The following FKBP9 variants were observed in gnomAD, a reference collection of about 807,000 sequenced individuals.
FKBP9 encodes the protein peptidyl-prolyl cis-trans isomerase FKBP9.
FKBP9 carries 27 observed loss-of-function variants against 55.6 expected under a neutral mutation model. The observed-to-expected ratio is 0.49, with a 90% CI of 0.36 to 0.67. The LOEUF (loss-of-function observed/expected upper bound fraction) is 0.67, where lower values mean the gene tolerates loss of function less well. Ranked by LOEUF, FKBP9 falls within the 30% of genes least tolerant of loss-of-function variation. The pLI, the probability that FKBP9 is intolerant of heterozygous loss-of-function variation, is 0.00. For synonymous variants in FKBP9, 267 were observed against 296.5 expected (o/e 0.90, Z 1.02); for missense variants, 539 against 742.8 (o/e 0.73, Z 3.19).
At chr7:32,970,063 A>T (rs1404109414) in intron 1 of FKBP9, among the ~76,000 whole-genome samples, 2 of 152,074 alleles carry the variant, frequency 1.3e-5, no homozygotes, top group African/African-American at 4.8e-5. Flanking sequence ...TCTGCAAAAA[A>T]TGCCATCAGG....
At chr7:32,988,359 T>A (rs1422828931) in intron 5 of FKBP9, 148 bp from the exon 6 acceptor site, 5 of 724,680 alleles carry the variant, frequency 6.9e-6, no homozygotes, top group Non-Finnish European at 1.1e-5. Context: ...GGAGCATGTT[T>A]CCTGGCTGTG....
At chr7:32,972,249 C>G (rs1392771021) in intron 1 of FKBP9, among the ~76,000 whole-genome samples, 3 of 152,164 alleles carry the variant, frequency 2.0e-5, no homozygotes, top group African/African-American at 7.2e-5. Flanking sequence ...GGGCACACAA[C>G]TGGCCATGTG....
intron 4 of FKBP9, chr7:32,979,345 G>C: frequency 1.6e-6 from 1 of 616,810 alleles, no homozygotes; most frequent in South Asian, 1.9e-5. Context: ...TAAATGAAAA[G>C]ATACAGTAAG....
In FKBP9 at chr7:32,985,166, C is replaced by CTT. The variant is rs1352258248; in HGVS notation, c.894-3339_894-3338dup. Among the ~76,000 whole-genome samples, 5 of 144,402 alleles carry CTT rather than the reference C, an allele frequency of 3.5e-5. 1 individual carries two copies. Among genetic ancestry groups the CTT allele is most frequent in the East Asian group, 5.0e-4 (2 of 4,040 alleles). 94.7% of individuals were successfully genotyped at this position (144,402 alleles called of 152,430 possible). ...GAACCAGTGTTACTAATTTCTTTTT[C>CTT]TTTCTTTCTTTCTTTTTTTTTTTTT... On this transcript the variant is annotated intron_variant, in intron 5 of 9. Coordinates refer to ENST00000242209, the MANE Select transcript of FKBP9 (RefSeq NM_007270.5).
intron 1 of FKBP9, among the ~76,000 whole-genome samples, chr7:32,965,856 T>A (rs1453556480): frequency 2.1e-5 from 1 of 47,938 alleles, no homozygotes; most frequent in South Asian, 9.1e-4. Context: ...TGTGTACAGA[T>A]ATATATATAT....
intron 1 of FKBP9, among the ~76,000 whole-genome samples, chr7:32,968,004 C>A (rs1014223638): frequency 6.6e-6 from 1 of 152,212 alleles, no homozygotes. Context: ...ATCCACCCAC[C>A]TCAGCCTCCC....
At chr7:32,974,861 G>A in intron 2 of FKBP9, 99 bp downstream of exon 2, 1 of 1,170,188 alleles carries the variant, frequency 8.5e-7, no homozygotes, top group Non-Finnish European at 1.2e-6. Context: ...GGAAGCTTTA[G>A]ATTGGGGGAA....
chr7:33,004,257 G>C (rs1353823096), intron 9 of FKBP9, among the ~76,000 whole-genome samples: 2 of 152,040 alleles, frequency 1.3e-5, no homozygotes, highest in African/African-American at 4.8e-5. Context: ...AGCTCCTCCT[G>C]CCCTCACAGT....
chr7:32,965,824 T>TATATATATATATGTGTAC, intron 1 of FKBP9, among the ~76,000 whole-genome samples: 1 of 18,220 alleles, frequency 5.5e-5, no homozygotes, highest in East Asian at 8.6e-4. Context: ...TATATATATA[T>TATATATATATATGTGTAC]ATATATATAT....
At position 32,996,778 on chromosome 7, in the gene FKBP9, CTTTTTTTTTTTT is replaced by C. The variant is rs1170596077; in HGVS notation, c.1226+445_1226+456del. On this transcript the variant is annotated intron_variant, in intron 7 of 9. Coordinates refer to ENST00000242209, the MANE Select transcript of FKBP9 (RefSeq NM_007270.5). ...TTTTTTTTTTTGATAAAGTCTCACT[CTTTTTTTTTTTT>C]TTTTTTTTTTTTTTTGAGACGGAGT... is the stretch of plus-strand genomic sequence containing the variant. Among the ~76,000 whole-genome samples the C allele has an allele frequency of 1.2e-4, 4 of 32,332 alleles. No homozygotes were observed. The South Asian group carries it at 3.7e-3, about 30-fold the overall frequency. 21.2% of individuals were successfully genotyped at this position (32,332 alleles called of 152,430 possible). A position where few individuals can be genotyped will look rare whatever the true frequency, so the allele number is the denominator to read the frequency against.
chr7:32,960,108 C>CTTTTTTTTTTTT (rs398004304), intron 1 of FKBP9, among the ~76,000 whole-genome samples: 1 of 98,630 alleles, frequency 1.0e-5, no homozygotes, highest in Admixed American at 1.3e-4. Context: ...TTGTACTTGT[C>CTTTTTTTTTTTT]TTTTTTTTTT....
At chr7:32,978,734 C>G (rs1216032952) in intron 4 of FKBP9, among the ~76,000 whole-genome samples, 1 of 152,048 alleles carries the variant, frequency 6.6e-6, no homozygotes, top group Non-Finnish European at 1.5e-5. Context: ...CTCCCAGATC[C>G]TTTTGTCATC....
rs565545234 is a variant in FKBP9, at chr7:32,985,432, G to A, written c.894-3075G>A. Reference sequence around the variant, plus strand: ...CTGACCTCAAGTGATCACCCACCTCGGCCTCCCAAAGTGCTGGGATTACAG... The same window carrying A: ...CTGACCTCAAGTGATCACCCACCTCAGCCTCCCAAAGTGCTGGGATTACAG... On this transcript the variant is annotated intron_variant, in intron 5 of 9. Coordinates refer to ENST00000242209, the MANE Select transcript of FKBP9 (RefSeq NM_007270.5). Among the ~76,000 whole-genome samples the A allele has an allele frequency of 4.0e-4, 61 of 151,196 alleles. 1 individual carries two copies. In the South Asian group the frequency reaches 0.013, roughly 31 times the overall value.
intron 5 of FKBP9, among the ~76,000 whole-genome samples, chr7:32,984,547 C>T (rs1022187523): frequency 7.9e-5 from 12 of 152,132 alleles, no homozygotes; most frequent in Admixed American, 2.6e-4. Context: ...CATGAGCCAC[C>T]GCACCAGGCC....
chr7:32,980,152 C>A (rs951714750), intron 4 of FKBP9, among the ~76,000 whole-genome samples: 9 of 151,684 alleles, frequency 5.9e-5, no homozygotes, highest in African/African-American at 2.2e-4. Context: ...GTCATTAATA[C>A]CAATTTTCTC....
At chr7:32,973,265 G>A (rs1194169418) in intron 1 of FKBP9, among the ~76,000 whole-genome samples, 1 of 152,148 alleles carries the variant, frequency 6.6e-6, no homozygotes, top group Non-Finnish European at 1.5e-5. Flanking sequence ...GAAGATAAAG[G>A]TGTGAGTCAC....
rs759759356 is a variant in FKBP9 at position 33,002,685 on chromosome 7, T to G, written c.1382T>G (p.Val461Gly). The change falls in exon 9 of 10, where the codon GTG becomes GGG. Residue 461 changes from valine (V) to glycine (G), a missense_variant. By Grantham distance (109) the Val-to-Gly change is moderately radical (BLOSUM62 -3). Coordinates refer to ENST00000242209, the MANE Select transcript of FKBP9 (RefSeq NM_007270.5). ...GYGEAGVDGEVPGSAVLVFDI... is the reference protein window; with the variant it reads ...GYGEAGVDGEGPGSAVLVFDI... ...CCTGTCACCTGGACAGATGGAGAAGTGCCCGGCAGTGCCGTATTAGTGTTT... is the reference window on the plus strand; with the variant it reads ...CCTGTCACCTGGACAGATGGAGAAGGGCCCGGCAGTGCCGTATTAGTGTTT... The G allele has an allele frequency of 3.7e-6, 6 of 1,613,666 alleles. No homozygotes were observed. The Admixed American group carries it at 1.0e-4, about 27-fold the overall frequency.
rs144383319 is a variant in FKBP9, at chr7:33,002,752, G to A, written c.1449G>A (p.Gly483=). 26 of 1,614,116 alleles carry A rather than the reference G, an allele frequency of 1.6e-5. No homozygotes were observed. The highest frequency in any genetic ancestry group is 2.2e-5 in the East Asian group (1 of 44,892). The change falls in exon 9 of 10, where the codon GGG becomes GGA. Residue 483 remains glycine, a synonymous_variant. Transcript: ENST00000242209. ...AGCTGGTGGCTGGCCTTCCTGAGGGGTACATGTTCATATGGAATGGTGAGG... is the reference window on the plus strand; with the variant it reads ...AGCTGGTGGCTGGCCTTCCTGAGGGATACATGTTCATATGGAATGGTGAGG... The part of the protein sequence containing the change: ...LLELVAGLPE[G]YMFIWNGEVS...
rs544846148 is a variant in FKBP9 at position 32,958,404 on chromosome 7, GC to G, written c.221+611del. Among the ~76,000 whole-genome samples the G allele has an allele frequency of 3.6e-3, 541 of 152,336 alleles. 5 individuals are homozygous for G. The highest frequency in any genetic ancestry group is 3.9e-3 in the Non-Finnish European group (263 of 68,032). ...ATCAGTAAGGTAACAAGCAACTGCG[GC>G]TAAGAAACGTGTTTAAACAATGGAG... On this transcript the variant is annotated intron_variant, in intron 1 of 9. Coordinates refer to ENST00000242209, the MANE Select transcript of FKBP9 (RefSeq NM_007270.5).
Sources: allele counts gnomAD v4.1 joint callset (sites outside exome capture counted in the v4.1 genomes callset), GRCh38; gene constraint gnomAD v4.1.1; transcripts MANE v1.5; gene names NCBI Gene and HGNC (gene_info 2026-07-23, HGNC 2026-07-21).